The following UQCC1 variants were observed in gnomAD, a reference collection of about 807,000 sequenced individuals.
UQCC1 encodes the protein bFGF-repressed Zic-binding protein.
Under a neutral mutation model 48.0 loss-of-function variants are expected in UQCC1, and 38 were observed. The observed-to-expected ratio is 0.79, with a 90% CI of 0.61 to 1.04. The LOEUF is 1.04. Among genes scored for constraint, UQCC1 ranks in the 50% least tolerant of loss-of-function variants. The probability of loss-of-function intolerance (pLI) is 0.00; values close to 1 mark genes in which losing one functional copy is unlikely to be tolerated. For missense variants in UQCC1, 368 were observed against 381.8 expected (o/e 0.96, Z 0.30); for synonymous variants, 111 against 129.2 (o/e 0.86, Z 0.95).
At chr20:35,314,619 GA>G in intron 8 of UQCC1, 68 bp downstream of exon 8, 1 of 1,363,316 alleles carries the variant, frequency 7.3e-7, no homozygotes, top group Admixed American at 1.7e-5. Context: ...GCTTCCCTCA[GA>G]GGCTCTCATC....
At chr20:35,316,927 C>G (rs1168294774) in intron 7 of UQCC1, among the ~76,000 whole-genome samples, 1 of 149,194 alleles carries the variant, frequency 6.7e-6, no homozygotes, top group Non-Finnish European at 1.5e-5. Context: ...CATGAGCCAC[C>G]ACGCCCGGCC....
Position 35,399,822 on chromosome 20 carries a change from C to T in UQCC1, c.25-5626G>A, listed in dbSNP as rs2062134369. Among the ~76,000 whole-genome samples the T allele has an allele frequency of 2.1e-5, 3 of 143,710 alleles. No homozygotes were observed. The South Asian group carries it at 6.7e-4, about 32-fold the overall frequency. 94.3% of individuals were successfully genotyped at this position (143,710 alleles called of 152,430 possible). On this transcript the variant is annotated intron_variant, in intron 1 of 9. Transcript: ENST00000374385. ...ACAGTGAGCCAAAATCAGGCCACTG[C>T]ACTCCAGCCTGCGTGACAGAGCAAG...
chr20:35,411,513 T>C (rs1198075591), intron 1 of UQCC1, among the ~76,000 whole-genome samples: 5 of 152,180 alleles, frequency 3.3e-5, no homozygotes, highest in African/African-American at 1.2e-4. Context: ...CTAAAGGGAC[T>C]GCAGGAGATA....
intron 7 of UQCC1, among the ~76,000 whole-genome samples, chr20:35,334,979 G>A (rs1441323248): frequency 1.3e-5 from 2 of 152,158 alleles, no homozygotes; most frequent in African/African-American, 2.4e-5. Context: ...GGCAGAACTC[G>A]TTCCATTATG....
intron 8 of UQCC1, among the ~76,000 whole-genome samples, chr20:35,314,067 C>G (rs184689719): frequency 6.6e-6 from 1 of 152,066 alleles, no homozygotes; most frequent in Non-Finnish European, 1.5e-5. Flanking sequence ...CAGGTTCAAG[C>G]GATTCACCTG....
chr20:35,308,714 C>T (rs1568645467), intron 8 of UQCC1, among the ~76,000 whole-genome samples: 1 of 152,158 alleles, frequency 6.6e-6, no homozygotes, highest in African/African-American at 2.4e-5. Flanking sequence ...ATTTGCTTTG[C>T]TTTGTTTTGT....
intron 5 of UQCC1, among the ~76,000 whole-genome samples, chr20:35,372,668 C>A (rs2061747824): frequency 6.6e-6 from 1 of 152,172 alleles, no homozygotes; most frequent in South Asian, 2.1e-4. Flanking sequence ...GAGTTTGAGA[C>A]CAGCCTGGCC....
At chr20:35,389,568 A>AAAAAG (rs963444851) in intron 2 of UQCC1, among the ~76,000 whole-genome samples, 5 of 152,328 alleles carry the variant, frequency 3.3e-5, no homozygotes, top group South Asian at 2.1e-4. Context: ...GTCTCAAAAA[A>AAAAAG]AAAAGAAAAG....
intron 8 of UQCC1, among the ~76,000 whole-genome samples, chr20:35,309,394 C>T (rs940161400): frequency 1.3e-5 from 2 of 151,964 alleles, no homozygotes; most frequent in Non-Finnish European, 2.9e-5. Context: ...GATCACACTG[C>T]TGCACTCCAG....
At chr20:35,404,033 C>T (rs534236468) in intron 1 of UQCC1, among the ~76,000 whole-genome samples, 18 of 151,976 alleles carry the variant, frequency 1.2e-4, no homozygotes, top group East Asian at 9.7e-4. Flanking sequence ...GTCAGGAGAT[C>T]GAGACCATCC....
intron 6 of UQCC1, among the ~76,000 whole-genome samples, chr20:35,364,784 T>G (rs1211869715): frequency 6.6e-6 from 1 of 152,260 alleles, no homozygotes; most frequent in African/African-American, 2.4e-5. Flanking sequence ...CATCTGCTGT[T>G]AGTCAGGTAT....
At chr20:35,403,551 C>T (rs895071268) in intron 1 of UQCC1, among the ~76,000 whole-genome samples, 1 of 152,110 alleles carries the variant, frequency 6.6e-6, no homozygotes, top group Admixed American at 6.6e-5. Flanking sequence ...CCCAGACATC[C>T]CATTACTGGG....
chr20:35,369,803 T>C (rs2061709501), intron 5 of UQCC1, among the ~76,000 whole-genome samples: 1 of 152,240 alleles, frequency 6.6e-6, no homozygotes, highest in African/African-American at 2.4e-5. Context: ...AATAGTAGAA[T>C]TGAAATTATC....
At chr20:35,310,390 A>G (rs1214253541) in intron 8 of UQCC1, among the ~76,000 whole-genome samples, 1 of 152,072 alleles carries the variant, frequency 6.6e-6, no homozygotes, top group Non-Finnish European at 1.5e-5. Context: ...CACGCCTGTA[A>G]TCCCAGCACT....
intron 7 of UQCC1, among the ~76,000 whole-genome samples, chr20:35,343,071 A>G (rs2061397669): frequency 6.6e-6 from 1 of 152,184 alleles, no homozygotes; most frequent in Admixed American, 6.5e-5. Context: ...GATCTTCCAC[A>G]CACCAATCCA....
chr20:35,383,087 T>A (rs977794926), intron 3 of UQCC1, among the ~76,000 whole-genome samples: 5 of 152,042 alleles, frequency 3.3e-5, no homozygotes, highest in African/African-American at 1.2e-4. Flanking sequence ...GAAAAAAAAA[T>A]ACTGCCTGAA....
chr20:35,385,946 G>A (rs903325096), intron 2 of UQCC1, among the ~76,000 whole-genome samples: 6 of 143,710 alleles, frequency 4.2e-5, no homozygotes, highest in Middle Eastern at 3.6e-3. Flanking sequence ...AGCCTCCCCC[G>A]CCATCAACAT....
chr20:35,370,069 T>C (rs1013603840), intron 5 of UQCC1, among the ~76,000 whole-genome samples: 3 of 152,290 alleles, frequency 2.0e-5, no homozygotes, highest in African/African-American at 7.2e-5. Flanking sequence ...CAGTGCAACA[T>C]GCTCAGACAA....
rs558627365 is a variant in UQCC1, at chr20:35,341,597, G to A, written c.573+5567C>T. Among the ~76,000 whole-genome samples the A allele has an allele frequency of 5.3e-5, 8 of 152,244 alleles. No homozygotes were observed. The South Asian group carries it at 1.7e-3, about 32-fold the overall frequency. On this transcript the variant is annotated intron_variant, in intron 7 of 9. Coordinates refer to ENST00000374385, the MANE Select transcript of UQCC1 (RefSeq NM_018244.5). ...GATCCTGCACCACAGGAATTCACCT[G>A]GAAGACAGTCAACATAAGTGAATAA...
Sources: allele counts gnomAD v4.1 joint callset (sites outside exome capture counted in the v4.1 genomes callset), GRCh38; gene constraint gnomAD v4.1.1; transcripts MANE v1.5; gene names NCBI Gene and HGNC (gene_info 2026-07-23, HGNC 2026-07-21).